The following C6orf132 variants were observed in gnomAD, a reference collection of about 807,000 sequenced individuals.
The protein encoded by C6orf132 is chromosome 6 open reading frame 132, also known as uncharacterized protein C6orf132.
In C6orf132, 43 loss-of-function variants were observed where a neutral mutation model predicts 65.3. The ratio of observed to expected loss-of-function variants is 0.66; its 90% confidence interval spans 0.52 to 0.85. C6orf132 has a LOEUF of 0.85. C6orf132 is among the 40% of genes least tolerant of loss of function. The pLI is 0.00. For synonymous variants in C6orf132, 631 were observed against 654.1 expected, an observed-to-expected ratio of 0.96 and a Z score of 0.54; for missense variants, 1,488 against 1,548.8, an observed-to-expected ratio of 0.96 and a Z score of 0.66.
At chr6:42,140,126 T>C (rs1355127835) in intron 1 of C6orf132, among the ~76,000 whole-genome samples, 3 of 152,244 alleles carry the variant, frequency 2.0e-5, no homozygotes, top group Non-Finnish European at 4.4e-5. Flanking sequence ...CATGATGTTT[T>C]CCATGGCTCC....
In C6orf132 at chr6:42,114,195, A is replaced by G. The variant is rs147415153; in HGVS notation, c.253-3904T>C. 2.8e-4 allele frequency among the ~76,000 whole-genome samples: 42 copies of G among 152,300 alleles called. 1 individual carries two copies. Among genetic ancestry groups the G allele is most frequent in the African/African-American group, 9.1e-4 (38 of 41,574 alleles). On this transcript the variant is annotated intron_variant, in intron 2 of 4. Coordinates refer to ENST00000341865, the MANE Select transcript of C6orf132 (RefSeq NM_001164446.3). Reference sequence around the variant, plus strand: ...TCCATCTCTGGAGCGGCTTGTAACAACAGCTCAGTCCAAGCCCTGGCTTCT... The same window carrying G: ...TCCATCTCTGGAGCGGCTTGTAACAGCAGCTCAGTCCAAGCCCTGGCTTCT...
chr6:42,109,216 C>T (rs9381140), intron 3 of C6orf132, among the ~76,000 whole-genome samples: 2 of 152,012 alleles, frequency 1.3e-5, no homozygotes, highest in Non-Finnish European at 2.9e-5. Context: ...AGGTGGATCA[C>T]GAGGTCAAGA....
chr6:42,110,663 A>G (rs1204439002), intron 2 of C6orf132, among the ~76,000 whole-genome samples: 1 of 152,230 alleles, frequency 6.6e-6, no homozygotes, highest in Admixed American at 6.5e-5. Context: ...GCTTAAAGAC[A>G]TTTTAATATA....
chr6:42,109,093 G>T (rs1189368590), intron 3 of C6orf132, among the ~76,000 whole-genome samples: 1 of 152,130 alleles, frequency 6.6e-6, no homozygotes, highest in Non-Finnish European at 1.5e-5. Flanking sequence ...GGATGAGTGC[G>T]ATGGGAAAAA....
Position 42,104,003 on chromosome 6 carries a change from T to A in C6orf132, c.3450-125A>T. 1.5e-6 allele frequency: 1 copy of A among 652,202 alleles called. No homozygotes were observed. Among genetic ancestry groups the A allele is most frequent in the Non-Finnish European group, 2.3e-6 (1 of 440,128 alleles). 40.4% of individuals were successfully genotyped at this position (652,202 alleles called of 1,614,324 possible). A position where few individuals can be genotyped will look rare whatever the true frequency, so the allele number is the denominator to read the frequency against. On this transcript the variant is annotated intron_variant, in intron 4 of 4. Transcript: ENST00000341865. This position sits in a 1 kb window ranked among gnomAD's most constrained non-coding sequence, Gnocchi z 4.1. ...CTTCTGTATTTGCCCCGACAAGCCCTGGGCTTATCGACCCCAGGGAGGGAC... is the reference window on the plus strand; with the variant it reads ...CTTCTGTATTTGCCCCGACAAGCCCAGGGCTTATCGACCCCAGGGAGGGAC...
intron 4 of C6orf132, 50 bp from the exon 5 acceptor site, chr6:42,103,928 A>G (rs1766340779): frequency 8.1e-7 from 1 of 1,239,024 alleles, no homozygotes; most frequent in African/African-American, 1.6e-5. Flanking sequence ...TGGTTAGCCA[A>G]CACGTCTCTC....
chr6:42,109,367 G>A (rs1766463194), intron 3 of C6orf132, among the ~76,000 whole-genome samples: 1 of 152,154 alleles, frequency 6.6e-6, no homozygotes, highest in Non-Finnish European at 1.5e-5. Context: ...GGGAGGCAGA[G>A]GTTGCAGTGA....
In C6orf132 at chr6:42,142,551, G is replaced by A; in HGVS notation, c.-107C>T. 4.7e-6 allele frequency: 5 copies of A among 1,056,012 alleles called. No individual in the cohort carries two copies. Among genetic ancestry groups the A allele is most frequent in the Non-Finnish European group, 6.2e-6 (5 of 806,966 alleles). The allele number at this position is 1,056,012 out of a possible 1,614,324, so 65.4% of individuals were successfully genotyped here. ...TCCCCAGGGGACTCTACCAGGCCAT[G>A]TCCCCCGCCGTCCTCCCCGCCCGCG... On this transcript the variant is annotated 5_prime_UTR_variant, in exon 1 of 5. Coordinates refer to ENST00000341865, the MANE Select transcript of C6orf132 (RefSeq NM_001164446.3).
At chr6:42,108,087 T>G (rs574490731) in intron 3 of C6orf132, among the ~76,000 whole-genome samples, 7 of 152,204 alleles carry the variant, frequency 4.6e-5, no homozygotes, top group Non-Finnish European at 1.0e-4. Context: ...CACACTCTGG[T>G]ATACTGTCCC....
chr6:42,104,602 C>G lies in C6orf132; in HGVS notation c.3310G>C (p.Val1104Leu), dbSNP rs944681840. Residue 1104 changes from valine to leucine, a missense_variant, in exon 4 of 5, where the codon GTG becomes CTG. Val to Leu is a conservative substitution (Grantham distance 32). Transcript: ENST00000341865. This position sits in a 1 kb window ranked among gnomAD's most constrained non-coding sequence, Gnocchi z 4.1. Reference sequence around the variant, plus strand: ...GGGGGCGCGCGACCCGCCGAGTTCACGCGCCGCATCTCGGGGCCTCCGGGC... The same window carrying G: ...GGGGGCGCGCGACCCGCCGAGTTCAGGCGCCGCATCTCGGGGCCTCCGGGC... ...PQPGGPEMRR[V>L]NSAGRAPPGG... 7.4e-7 allele frequency: 1 copy of G among 1,343,328 alleles called. No individual in the cohort carries two copies. Among genetic ancestry groups the G allele is most frequent in the Admixed American group, 3.9e-5 (1 of 25,680 alleles). 83.2% of individuals were successfully genotyped at this position (1,343,328 alleles called of 1,614,324 possible).
chr6:42,130,005 G>A (rs1274343967), intron 1 of C6orf132, among the ~76,000 whole-genome samples: 1 of 152,202 alleles, frequency 6.6e-6, no homozygotes. Context: ...TCCCCACACC[G>A]ATAGCCGCAG....
chr6:42,134,768 C>G (rs1261559163), intron 1 of C6orf132, among the ~76,000 whole-genome samples: 46 of 125,012 alleles, frequency 3.7e-4, no homozygotes, highest in African/African-American at 1.5e-3. Context: ...GAGCGAAACT[C>G]CATCTCAAAA....
At chr6:42,116,648 G>A (rs542539802) in intron 2 of C6orf132, among the ~76,000 whole-genome samples, 1 of 152,312 alleles carries the variant, frequency 6.6e-6, no homozygotes, top group East Asian at 1.9e-4. Flanking sequence ...TGGTCCAGAG[G>A]AAGAAATTCA....
chr6:42,142,276 G>T, intron 1 of C6orf132, 24 bp downstream of exon 1: 1 of 1,544,094 alleles, frequency 6.5e-7, no homozygotes, highest in Non-Finnish European at 8.7e-7. Context: ...CCGCCCCAGC[G>T]CCCTCCGTCC....
At chr6:42,140,683 T>C (rs62415943) in intron 1 of C6orf132, among the ~76,000 whole-genome samples, 8,898 of 152,308 alleles carry the variant, frequency 0.058, 409 homozygotes, top group East Asian at 0.21. Flanking sequence ...TTGAAAGCTG[T>C]ATGATCTTGG....
chr6:42,107,399 G>A lies in C6orf132; in HGVS notation c.513C>T (p.Pro171=). ...GTTCCAGCAGCAGGGGAGGTGGTGG[G>A]GGTGCTGTGGAAGGTGGAGATGGCA... The part of the protein sequence containing the change: ...SPLPSPPSTA[P]PPPPLLLEPP... The change falls in exon 4 of 5, where the codon CCC becomes CCT. Residue 171 remains proline, a synonymous_variant. Coordinates refer to ENST00000341865, the MANE Select transcript of C6orf132 (RefSeq NM_001164446.3). The A allele has an allele frequency of 7.6e-7, 1 of 1,317,786 alleles. No homozygotes were observed. The highest frequency in any genetic ancestry group is 1.0e-6 in the Non-Finnish European group (1 of 958,602). The allele number at this position is 1,317,786 out of a possible 1,614,324, so 81.6% of individuals were successfully genotyped here.
chr6:42,140,637 T>C (rs1767017122), intron 1 of C6orf132, among the ~76,000 whole-genome samples: 1 of 152,200 alleles, frequency 6.6e-6, no homozygotes, highest in African/African-American at 2.4e-5. Flanking sequence ...CTAAAAATCA[T>C]TGAATTGTGG....
At chr6:42,116,090 C>T (rs987810682) in intron 2 of C6orf132, among the ~76,000 whole-genome samples, 40 of 151,518 alleles carry the variant, frequency 2.6e-4, no homozygotes, top group African/African-American at 7.3e-4. Context: ...CCACCACACC[C>T]GGCTAATTTT....
chr6:42,120,246 CTTT>C (rs58477278), intron 2 of C6orf132, among the ~76,000 whole-genome samples: 22 of 141,634 alleles, frequency 1.6e-4, no homozygotes, highest in South Asian at 4.5e-4. Context: ...TTGCGAGGTT[CTTT>C]TTTTTTTTTT....
Sources: allele counts gnomAD v4.1 joint callset (sites outside exome capture counted in the v4.1 genomes callset), GRCh38; gene constraint gnomAD v4.1.1; non-coding constraint Gnocchi (gnomAD v3.1); transcripts MANE v1.5; gene names NCBI Gene and HGNC (gene_info 2026-07-23, HGNC 2026-07-21).